FIRRM: variants seen among roughly 807,000 people sequenced by gnomAD.
FIRRM encodes FIGNL1 interacting regulator of recombination and mitosis, also known as FIGNL1-interacting regulator of recombination and mitosis.
At chr1:169,826,440 G>A in the FIRRM span, among the ~76,000 whole-genome samples, 2 of 146,442 alleles carry the variant, frequency 1.4e-5, no homozygotes, top group Non-Finnish European at 3.0e-5. Flanking sequence ...TTGGCTCACA[G>A]CAACCTCTGC....
chr1:169,795,012 C>G, the FIRRM span: 2 of 1,001,146 alleles, frequency 2.0e-6, no homozygotes, highest in Non-Finnish European at 1.5e-6. Context: ...GTTTTGGAGC[C>G]GGCGGAGAGC....
chr1:169,830,337 G>A, the FIRRM span: 6 of 1,613,276 alleles, frequency 3.7e-6, no homozygotes, highest in South Asian at 1.1e-5. Flanking sequence ...GTGCTTCCTT[G>A]CTCGGTACAA....
the FIRRM span, among the ~76,000 whole-genome samples, chr1:169,848,261 G>A: frequency 2.6e-5 from 4 of 152,092 alleles, no homozygotes; most frequent in African/African-American, 9.7e-5. Context: ...ATACTGCACT[G>A]GCCTGGCAAT....
the FIRRM span, among the ~76,000 whole-genome samples, chr1:169,848,101 T>C: frequency 6.6e-6 from 1 of 152,188 alleles, no homozygotes; most frequent in Non-Finnish European, 1.5e-5. Flanking sequence ...ATTTGTCTTA[T>C]AGGGAACAGC....
the FIRRM span, chr1:169,798,872 T>A: frequency 8.8e-7 from 1 of 1,141,544 alleles, no homozygotes; most frequent in South Asian, 1.8e-5. Flanking sequence ...TTCTGAGTAA[T>A]GAATACCCTA....
chr1:169,841,566 G>A, the FIRRM span, among the ~76,000 whole-genome samples: 1 of 152,184 alleles, frequency 6.6e-6, no homozygotes, highest in African/African-American at 2.4e-5. Context: ...TGGCCAGAGA[G>A]AGAATTGAGT....
chr1:169,842,984 G>A, the FIRRM span, among the ~76,000 whole-genome samples: 37 of 152,226 alleles, frequency 2.4e-4, no homozygotes, highest in Non-Finnish European at 1.5e-5. Flanking sequence ...AAAAAGCCAA[G>A]TGATGATCTA....
At chr1:169,800,142 T>G in the FIRRM span, among the ~76,000 whole-genome samples, 3 of 152,194 alleles carry the variant, frequency 2.0e-5, no homozygotes, top group African/African-American at 7.2e-5. Flanking sequence ...CAAGCAATCC[T>G]CTCACCTCAG....
At chr1:169,798,167 G>A in the FIRRM span, among the ~76,000 whole-genome samples, 1 of 152,176 alleles carries the variant, frequency 6.6e-6, no homozygotes, top group African/African-American at 2.4e-5. Context: ...TCTAATCCCA[G>A]CTCCTTGAGA....
At chr1:169,803,097 C>T in the FIRRM span, 4 of 1,388,338 alleles carry the variant, frequency 2.9e-6, no homozygotes, top group Non-Finnish European at 4.0e-6. Context: ...TTGTAGCACC[C>T]AGCATGCTGA....
chr1:169,827,166 C>T, the FIRRM span: 1 of 1,613,284 alleles, frequency 6.2e-7, no homozygotes, highest in Admixed American at 1.7e-5. Context: ...CACATTTCAG[C>T]CTTTCATGCA....
the FIRRM span, chr1:169,851,965 C>CT: frequency 1.6e-5 from 26 of 1,613,704 alleles, no homozygotes; most frequent in Non-Finnish European, 2.0e-5. Context: ...AGGGGCCAAA[C>CT]TTTAACAAGG....
the FIRRM span, chr1:169,827,857 T>C: frequency 1.2e-6 from 2 of 1,613,074 alleles, no homozygotes; most frequent in Non-Finnish European, 1.7e-6. Context: ...AACATGTTTT[T>C]ATCCAGTCAT....
At chr1:169,827,612 T>C in the FIRRM span, 1 of 1,334,678 alleles carries the variant, frequency 7.5e-7, no homozygotes, top group Non-Finnish European at 1.1e-6. Context: ...CACTCCAGGC[T>C]GGGTGACAGA....
chr1:169,852,323 A>T, the FIRRM span: 1 of 292,852 alleles, frequency 3.4e-6, no homozygotes, highest in Non-Finnish European at 6.5e-6. Flanking sequence ...ACTGAAGATC[A>T]CATCTACTTA....
chr1:169,849,073 G>A, the FIRRM span, among the ~76,000 whole-genome samples: 3 of 152,214 alleles, frequency 2.0e-5, no homozygotes, highest in South Asian at 6.2e-4. Flanking sequence ...ATATTAAATG[G>A]TGGTGAGTGC....
At chr1:169,837,134 A>G in the FIRRM span, 1 of 1,554,140 alleles carries the variant, frequency 6.4e-7, no homozygotes, top group African/African-American at 1.4e-5. Flanking sequence ...ATTTTGATTT[A>G]TTTTATTCAT....
the FIRRM span, among the ~76,000 whole-genome samples, chr1:169,800,557 T>C: frequency 1.3e-5 from 2 of 152,162 alleles, no homozygotes; most frequent in Non-Finnish European, 2.9e-5. Context: ...ACATTAAAAT[T>C]GGTGTTATAT....
the FIRRM span, among the ~76,000 whole-genome samples, chr1:169,809,883 T>G: frequency 6.6e-6 from 1 of 152,222 alleles, no homozygotes; most frequent in Non-Finnish European, 1.5e-5. Context: ...GTTTTCACTT[T>G]GTGTTTTAGT....
Sources: allele counts gnomAD v4.1 joint callset (sites outside exome capture counted in the v4.1 genomes callset), GRCh38; gene constraint gnomAD v4.1.1; transcripts MANE v1.5; gene names NCBI Gene and HGNC (gene_info 2026-07-23, HGNC 2026-07-21).